RBM26: variants seen among roughly 807,000 people sequenced by gnomAD.
The protein encoded by RBM26 is RNA-binding protein 26.
RBM26 carries 30 observed loss-of-function variants against 123.6 expected under a neutral mutation model. The observed-to-expected ratio is 0.24, with a 90% CI of 0.18 to 0.33. The LOEUF is 0.33. RBM26 is among the 10% of genes least tolerant of loss of function. RBM26 has a pLI of 1.00. For missense variants in RBM26, 947 were observed against 1,203.6 expected (o/e 0.79, Z 3.15); for synonymous variants, 400 against 404.4 (o/e 0.99, Z 0.13).
intron 1 of RBM26, chr13:79,389,451 A>C (rs1035031006): frequency 2.6e-5 from 4 of 152,254 alleles, no homozygotes; most frequent in Non-Finnish European, 5.9e-5. Flanking sequence ...AGAAAAAAAG[A>C]AACGGGAAAA....
chr13:79,373,343 T>C (rs1594469265), intron 3 of RBM26, among the ~76,000 whole-genome samples: 1 of 105,334 alleles, frequency 9.5e-6, no homozygotes, highest in South Asian at 2.5e-4. Context: ...ATATATATTA[T>C]ATATAAATAA....
chr13:79,393,972 TTC>T (rs1462330304), intron 1 of RBM26, among the ~76,000 whole-genome samples: 1 of 152,214 alleles, frequency 6.6e-6, no homozygotes, highest in African/African-American at 2.4e-5. Flanking sequence ...GCAAGTCTGC[TTC>T]TCTGTTTTCA....
chr13:79,365,500 A>G, intron 9 of RBM26, 78 bp downstream of exon 9: 1 of 1,176,688 alleles, frequency 8.5e-7, no homozygotes, highest in Non-Finnish European at 1.2e-6. Flanking sequence ...AATAAAGGCA[A>G]GACCAACTGT....
At chr13:79,347,598 C>G (rs1410336) in intron 14 of RBM26, among the ~76,000 whole-genome samples, 76,675 of 151,964 alleles carry the variant, frequency 0.5, 19,734 homozygotes, top group Middle Eastern at 0.6. Context: ...TTTCTATATT[C>G]CAAATGCATT....
At chr13:79,373,265 A>G (rs868726070) in intron 3 of RBM26, among the ~76,000 whole-genome samples, 1 of 106,268 alleles carries the variant, frequency 9.4e-6, no homozygotes, top group Non-Finnish European at 1.7e-5. Flanking sequence ...TGACTTGGTG[A>G]GTTCTAATGT....
chr13:79,357,821 T>C (rs941386451), intron 11 of RBM26, among the ~76,000 whole-genome samples: 4 of 152,186 alleles, frequency 2.6e-5, no homozygotes, highest in African/African-American at 7.2e-5. Context: ...CTAAAAATTG[T>C]ATTTTTTCCT....
At chr13:79,403,210 C>T (rs2079201578) in intron 1 of RBM26, among the ~76,000 whole-genome samples, 1 of 152,010 alleles carries the variant, frequency 6.6e-6, no homozygotes, top group East Asian at 1.9e-4. Flanking sequence ...AAGAATCCAC[C>T]TGAAATGCAA....
intron 18 of RBM26, among the ~76,000 whole-genome samples, chr13:79,340,374 C>CA (rs1375414911): frequency 6.6e-6 from 1 of 151,810 alleles, no homozygotes; most frequent in Non-Finnish European, 1.5e-5. Flanking sequence ...CTACCGTGTC[C>CA]AAAAAATGAT....
intron 14 of RBM26, among the ~76,000 whole-genome samples, chr13:79,349,909 G>C (rs1256427030): frequency 5.9e-5 from 9 of 152,092 alleles, no homozygotes; most frequent in Non-Finnish European, 8.8e-5. Flanking sequence ...TATTGGCCAG[G>C]CTGGTCTCGA....
chr13:79,387,262 G>A (rs887072503), intron 1 of RBM26, among the ~76,000 whole-genome samples: 4 of 146,118 alleles, frequency 2.7e-5, no homozygotes, highest in Admixed American at 7.1e-5. Context: ...CCTAACAATC[G>A]TTAAGGGATT....
At chr13:79,402,025 G>GA (rs35518227) in intron 1 of RBM26, among the ~76,000 whole-genome samples, 72,189 of 144,256 alleles carry the variant, frequency 0.5, 17,906 homozygotes, top group Middle Eastern at 0.59. Flanking sequence ...GTCTCTTCAG[G>GA]AAAAAAAAAA....
At chr13:79,400,405 C>G (rs2078964212) in intron 1 of RBM26, among the ~76,000 whole-genome samples, 1 of 143,822 alleles carries the variant, frequency 7.0e-6, no homozygotes, top group Admixed American at 6.7e-5. Context: ...TCAGAGGTCT[C>G]CCATAGCAGA....
intron 1 of RBM26, among the ~76,000 whole-genome samples, chr13:79,399,809 G>A (rs1229209940): frequency 1.3e-5 from 2 of 152,130 alleles, no homozygotes; most frequent in East Asian, 3.9e-4. Flanking sequence ...AAGTGAATGG[G>A]AGGAAGGAGA....
chr13:79,319,906 TTTTC>T lies in RBM26; in HGVS notation c.*711_*714del. 7.4e-6 allele frequency: 7 copies of T among 950,578 alleles called. No individual in the cohort carries two copies. Among genetic ancestry groups the T allele is most frequent in the Non-Finnish European group, 7.5e-6 (6 of 800,292 alleles). The allele number at this position is 950,578 out of a possible 1,614,324, so 58.9% of individuals were successfully genotyped here. A position where few individuals can be genotyped will look rare whatever the true frequency, so the allele number is the denominator to read the frequency against. Reference sequence around the variant, plus strand: ...TCTATTTTAATTTTTTTCTTTTCTTTTTTCTTTTCTTTTTTTTTTTAAATCAAGG... The same window carrying T: ...TCTATTTTAATTTTTTTCTTTTCTTTTTTTCTTTTTTTTTTTAAATCAAGG... On this transcript the variant is annotated 3_prime_UTR_variant, in exon 22 of 22. Transcript: ENST00000438737.
At chr13:79,324,408 G>C (rs925704282) in intron 20 of RBM26, among the ~76,000 whole-genome samples, 2 of 151,688 alleles carry the variant, frequency 1.3e-5, no homozygotes, top group African/African-American at 4.8e-5. Context: ...GAACAATCTT[G>C]TGTATTTGTA....
chr13:79,346,636 A>G (rs1004017801), intron 14 of RBM26, among the ~76,000 whole-genome samples: 4 of 152,172 alleles, frequency 2.6e-5, no homozygotes, highest in African/African-American at 7.2e-5. Flanking sequence ...TTGGCGCCCC[A>G]AACTGTTGGG....
At position 79,312,415 on chromosome 13, in the gene RBM26, GACAAAAC is replaced by G. The variant is rs2066919969; in HGVS notation, c.*2548_*2554del. On this transcript the variant is annotated 3_prime_UTR_variant, in exon 5 of 5. Transcript: ENST00000449987. ...TTAAGGTGCTGGAAGGAAATCTTGG[GACAAAAC>G]AAAAAAATCGACACATCAATGCAAA... 2 of 151,748 alleles carry G rather than the reference GACAAAAC, an allele frequency of 1.3e-5. 1 individual carries two copies. Among genetic ancestry groups the G allele is most frequent in the South Asian group, 4.1e-4 (2 of 4,826 alleles). 9.4% of individuals were successfully genotyped at this position (151,748 alleles called of 1,614,324 possible). A position where few individuals can be genotyped will look rare whatever the true frequency, so the allele number is the denominator to read the frequency against.
At chr13:79,373,463 AATATGTATAAATATACAAATATATATAAT>A (rs2076282746) in intron 3 of RBM26, among the ~76,000 whole-genome samples, 1 of 22,850 alleles carries the variant, frequency 4.4e-5, no homozygotes, top group Admixed American at 1.1e-3. Flanking sequence ...AAATATATAT[AATATGTATAAATATACAAATATATATAAT>A]ATGTATAAAT....
chr13:79,371,907 C>G lies in RBM26; in HGVS notation c.351G>C (p.Glu117Asp). 2.5e-6 allele frequency: 4 copies of G among 1,606,548 alleles called. No individual in the cohort carries two copies. Among genetic ancestry groups the G allele is most frequent in the Non-Finnish European group, 3.4e-6 (4 of 1,174,448 alleles). The change falls in exon 4 of 22, where the codon GAG becomes GAC. Residue 117 changes from glutamate to aspartate, a missense_variant. Around this residue, in one of 5 missense-constraint regions of RBM26, gnomAD observed 275 missense variants for 361.0 expected, o/e 0.76. Coordinates refer to ENST00000438737, the MANE Select transcript of RBM26 (RefSeq NM_001366735.2). ...KEEITKEEER[E>D]KKFSRRLNHS... Reference sequence around the variant, plus strand: ...GATTTAGCCTTCTAGAAAACTTCTTCTCTCGCTCTTCCTCCTTAGTGATCT... The same window carrying G: ...GATTTAGCCTTCTAGAAAACTTCTTGTCTCGCTCTTCCTCCTTAGTGATCT...
Sources: gnomAD v4.1 joint callset for allele counts (sites outside exome capture counted in the v4.1 genomes callset) on GRCh38, gnomAD v4.1.1 for gene constraint, gnomAD v4.1.1 regional missense constraint, MANE v1.5 for transcripts, NCBI Gene and HGNC (gene_info 2026-07-23, HGNC 2026-07-21) for gene names.